Variants in MAP3K4 observed in about 807,000 individuals in gnomAD.
The protein encoded by MAP3K4 is mitogen-activated protein kinase kinase kinase 4.
MAP3K4 carries 67 observed loss-of-function variants against 185.6 expected under a neutral mutation model. That is an observed-to-expected ratio of 0.36 (90% CI 0.30 to 0.44). The LOEUF (loss-of-function observed/expected upper bound fraction) is 0.44. Ranked by LOEUF, MAP3K4 falls within the 20% of genes least tolerant of loss-of-function variation. The probability of loss-of-function intolerance (pLI) is 1.00; values close to 1 mark genes in which losing one functional copy is unlikely to be tolerated. For synonymous variants in MAP3K4, 702 were observed against 710.4 expected (o/e 0.99, Z 0.19); for missense variants, 1,551 against 1,995.1 (o/e 0.78, Z 4.24).
At position 161,002,119 on chromosome 6, in the gene MAP3K4, T is replaced by G. The variant is rs977894819; in HGVS notation, c.152+10036T>G. On this transcript the variant is annotated intron_variant, in intron 1 of 26. Coordinates refer to ENST00000392142, the MANE Select transcript of MAP3K4 (RefSeq NM_005922.4). ...CTCTCTTACTTTAGTTGTGGTTTATTCTGCATATTATTCCTACAGGTGTTT... is the reference window on the plus strand; with the variant it reads ...CTCTCTTACTTTAGTTGTGGTTTATGCTGCATATTATTCCTACAGGTGTTT... 4.6e-5 allele frequency among the ~76,000 whole-genome samples: 7 copies of G among 151,688 alleles called. No homozygotes were observed. The South Asian group carries it at 6.3e-4, about 14-fold the overall frequency.
At position 161,093,880 on chromosome 6, in the gene MAP3K4, T is replaced by G; in HGVS notation, c.3427+29T>G. The G allele has an allele frequency of 6.7e-7, 1 of 1,501,932 alleles. No individual in the cohort carries two copies. Among genetic ancestry groups the G allele is most frequent in the Non-Finnish European group, 9.2e-7 (1 of 1,082,318 alleles). 93.0% of individuals were successfully genotyped at this position (1,501,932 alleles called of 1,614,324 possible). ...AGACAGCCGTTAACAGCATTTCTTC[T>G]GGAACATAATGATTTGAGTGGACAG... is the stretch of plus-strand genomic sequence containing the variant. On this transcript the variant is annotated intron_variant, in intron 15 of 26. Coordinates refer to ENST00000392142, the MANE Select transcript of MAP3K4 (RefSeq NM_005922.4). This position sits in a 1 kb window ranked among gnomAD's most constrained non-coding sequence, Gnocchi z 5.2.
At chr6:161,045,899 C>A (rs1222092516) in intron 2 of MAP3K4, among the ~76,000 whole-genome samples, 2 of 152,082 alleles carry the variant, frequency 1.3e-5, no homozygotes, top group African/African-American at 2.4e-5. Context: ...ATAGTTAATA[C>A]ACATTCTATT....
intron 3 of MAP3K4, among the ~76,000 whole-genome samples, chr6:161,052,117 C>T (rs1028378013): frequency 2.6e-5 from 4 of 152,062 alleles, no homozygotes; most frequent in Non-Finnish European, 4.4e-5. Context: ...CACGGTGGGG[C>T]GGGGGTGAGT....
chr6:160,994,355 A>G (rs1382319067), intron 1 of MAP3K4, among the ~76,000 whole-genome samples: 1 of 151,986 alleles, frequency 6.6e-6, no homozygotes, highest in Non-Finnish European at 1.5e-5. Flanking sequence ...GCATCCTCCT[A>G]GCTTAGCTCT....
chr6:161,093,862 C>T lies in MAP3K4; in HGVS notation c.3427+11C>T, dbSNP rs771950482. On this transcript the variant is annotated intron_variant, in intron 15 of 26. Transcript: ENST00000392142. This position sits in a 1 kb window ranked among gnomAD's most constrained non-coding sequence, Gnocchi z 5.2. ...CAGGTTTGTACCTTGGTAAGACAGCCGTTAACAGCATTTCTTCTGGAACAT... is the reference window on the plus strand; with the variant it reads ...CAGGTTTGTACCTTGGTAAGACAGCTGTTAACAGCATTTCTTCTGGAACAT... The T allele has an allele frequency of 3.1e-6, 5 of 1,594,858 alleles. No individual in the cohort carries two copies. The highest frequency in any genetic ancestry group is 2.2e-5 in the East Asian group (1 of 44,716).
At position 161,103,803 on chromosome 6, in the gene MAP3K4, A is replaced by AT. The variant is rs921470351; in HGVS notation, c.3856+1026dup. On this transcript the variant is annotated intron_variant, in intron 19 of 26. Coordinates refer to ENST00000392142, the MANE Select transcript of MAP3K4 (RefSeq NM_005922.4). This position sits in a 1 kb window ranked among gnomAD's most constrained non-coding sequence, Gnocchi z 4.6. ...GATTGGTTAAAATGCCATTGCAGAA[A>AT]TTCAGTATAAATAATACGATACTGG... Among the ~76,000 whole-genome samples, 1 of 152,216 alleles carries AT rather than the reference A, an allele frequency of 6.6e-6. No homozygotes were observed. The highest frequency in any genetic ancestry group is 2.4e-5 in the African/African-American group (1 of 41,450).
intron 1 of MAP3K4, among the ~76,000 whole-genome samples, chr6:161,020,920 A>T (rs1223328892): frequency 6.6e-6 from 1 of 152,220 alleles, no homozygotes; most frequent in Non-Finnish European, 1.5e-5. Flanking sequence ...TTTCCAGTAA[A>T]TTCCACATTG....
rs909539121 is a variant in MAP3K4 at position 161,088,115 on chromosome 6, T to C, written c.2823+161T>C. ...TGTGTTAATAGGTCATTTTGCAGCA[T>C]AATTTGTACAATATATCATTCTGTT... On this transcript the variant is annotated intron_variant, in intron 10 of 26. Coordinates refer to ENST00000392142, the MANE Select transcript of MAP3K4 (RefSeq NM_005922.4). The surrounding 1 kb of genome is among the most constrained non-coding windows in gnomAD (Gnocchi z 4.5). Among the ~76,000 whole-genome samples the C allele has an allele frequency of 5.3e-5, 8 of 152,208 alleles. No individual in the cohort carries two copies. Among genetic ancestry groups the C allele is most frequent in the African/African-American group, 1.9e-4 (8 of 41,448 alleles).
chr6:161,076,292 CAG>C lies in MAP3K4; in HGVS notation c.2097+2682_2097+2683del, dbSNP rs888751046. ...TGTTGTTGACTGAAGAGCTGCCCGA[CAG>C]AAGGAGCGCGAGCTATACCGCAGCC... On this transcript the variant is annotated intron_variant, in intron 5 of 26. Coordinates refer to ENST00000392142, the MANE Select transcript of MAP3K4 (RefSeq NM_005922.4). The surrounding 1 kb of genome is among the most constrained non-coding windows in gnomAD (Gnocchi z 4.2). 1.2e-4 allele frequency among the ~76,000 whole-genome samples: 18 copies of C among 152,272 alleles called. No individual in the cohort carries two copies. The highest frequency in any genetic ancestry group is 4.3e-4 in the African/African-American group (18 of 41,550).
intron 2 of MAP3K4, among the ~76,000 whole-genome samples, chr6:161,044,518 A>ACC (rs1286409751): frequency 6.6e-6 from 1 of 152,124 alleles, no homozygotes; most frequent in Non-Finnish European, 1.5e-5. Context: ...TCTATAGACT[A>ACC]CCCCCGCACC....
At chr6:161,095,648 T>A (rs1372466644) in intron 15 of MAP3K4, among the ~76,000 whole-genome samples, 1 of 152,218 alleles carries the variant, frequency 6.6e-6, no homozygotes, top group African/African-American at 2.4e-5. Context: ...CAGGTATTGA[T>A]CTCACTTGTT....
At position 161,004,725 on chromosome 6, in the gene MAP3K4, G is replaced by GT. The variant is rs779713240; in HGVS notation, c.152+12643dup. On this transcript the variant is annotated intron_variant, in intron 1 of 26. Coordinates refer to ENST00000392142, the MANE Select transcript of MAP3K4 (RefSeq NM_005922.4). ...CCAAGTGACAATAAATATTTTGAAA[G>GT]TAAACATAAGTGGTAACATGATCGT... Among the ~76,000 whole-genome samples, 3 of 152,186 alleles carry GT rather than the reference G, an allele frequency of 2.0e-5. No individual in the cohort carries two copies. The East Asian group carries it at 5.8e-4, about 29-fold the overall frequency.
intron 2 of MAP3K4, among the ~76,000 whole-genome samples, chr6:161,038,857 A>G (rs1783305150): frequency 6.6e-6 from 1 of 152,056 alleles, no homozygotes; most frequent in Non-Finnish European, 1.5e-5. Context: ...CCTCACTCAC[A>G]TATGTGTCTG....
chr6:161,108,024 A>G lies in MAP3K4; in HGVS notation c.4119+55A>G. 1.3e-6 allele frequency: 2 copies of G among 1,497,036 alleles called. No homozygotes were observed. The highest frequency in any genetic ancestry group is 2.3e-5 in the South Asian group (2 of 87,948). The allele number at this position is 1,497,036 out of a possible 1,614,324, so 92.7% of individuals were successfully genotyped here. A position where few individuals can be genotyped will look rare whatever the true frequency, so the allele number is the denominator to read the frequency against. ...GGCCTGGCGGCTCTGGGTGATAGAAATTCCGTATAGACGCTGGTCGTGATT... is the reference window on the plus strand; with the variant it reads ...GGCCTGGCGGCTCTGGGTGATAGAAGTTCCGTATAGACGCTGGTCGTGATT... On this transcript the variant is annotated intron_variant, in intron 21 of 26. Transcript: ENST00000392142. This position sits in a 1 kb window ranked among gnomAD's most constrained non-coding sequence, Gnocchi z 5.7.
Position 161,071,292 on chromosome 6 carries a change from C to T in MAP3K4, c.1950+442C>T, listed in dbSNP as rs963212513. Among the ~76,000 whole-genome samples the T allele has an allele frequency of 8.6e-5, 13 of 152,024 alleles. No individual in the cohort carries two copies. Among genetic ancestry groups the T allele is most frequent in the African/African-American group, 2.9e-4 (12 of 41,394 alleles). ...CAGTAGTGACAGCTTATGATTTCTTCGTTGTTGTTCATTCTGGGTGGGATC... is the reference window on the plus strand; with the variant it reads ...CAGTAGTGACAGCTTATGATTTCTTTGTTGTTGTTCATTCTGGGTGGGATC... On this transcript the variant is annotated intron_variant, in intron 4 of 26. Transcript: ENST00000392142. This position sits in a 1 kb window ranked among gnomAD's most constrained non-coding sequence, Gnocchi z 4.6.
At chr6:161,072,727 CTG>C (rs1287879026) in intron 4 of MAP3K4, among the ~76,000 whole-genome samples, 1 of 152,122 alleles carries the variant, frequency 6.6e-6, no homozygotes, top group East Asian at 1.9e-4. Context: ...ACGAATGTGA[CTG>C]TGTGATCTCA....
chr6:161,080,097 G>T lies in MAP3K4; in HGVS notation c.2098-784G>T, dbSNP rs768217087. Among the ~76,000 whole-genome samples, 21 of 152,148 alleles carry T rather than the reference G, an allele frequency of 1.4e-4. No homozygotes were observed. Among genetic ancestry groups the T allele is most frequent in the Non-Finnish European group, 2.8e-4 (19 of 68,032 alleles). On this transcript the variant is annotated intron_variant, in intron 5 of 26. Transcript: ENST00000392142. This position sits in a 1 kb window ranked among gnomAD's most constrained non-coding sequence, Gnocchi z 4.8. ...CTGCTTCACGCTGAGTCACACTCGGGGTTGGAAGGGAGTGGAGTGATGTCT... is the reference window on the plus strand; with the variant it reads ...CTGCTTCACGCTGAGTCACACTCGGTGTTGGAAGGGAGTGGAGTGATGTCT...
rs2114895888 is a variant in MAP3K4, at chr6:161,101,888, A to G, written c.3675-4A>G. ...TAGCTCAATTATTAAAAATATTAAA[A>G]CAGGGGTTCCAGCGTTCCTGAAAAT... On this transcript the variant is annotated splice_polypyrimidine_tract_variant and splice_region_variant and intron_variant, in intron 17 of 26. Coordinates refer to ENST00000392142, the MANE Select transcript of MAP3K4 (RefSeq NM_005922.4). This position sits in a 1 kb window ranked among gnomAD's most constrained non-coding sequence, Gnocchi z 5.1. The G allele has an allele frequency of 3.1e-6, 5 of 1,610,494 alleles. No individual in the cohort carries two copies. The South Asian group carries it at 3.3e-5, about 11-fold the overall frequency.
chr6:161,013,407 A>G lies in MAP3K4; in HGVS notation c.153-20852A>G, dbSNP rs536394332. ...AATATGGCTTAGGTAAATTTTTTGTACATATATAGAAGACTTAAGCATTCT... is the reference window on the plus strand; with the variant it reads ...AATATGGCTTAGGTAAATTTTTTGTGCATATATAGAAGACTTAAGCATTCT... On this transcript the variant is annotated intron_variant, in intron 1 of 26. Coordinates refer to ENST00000392142, the MANE Select transcript of MAP3K4 (RefSeq NM_005922.4). Among the ~76,000 whole-genome samples the G allele has an allele frequency of 2.0e-4, 30 of 152,320 alleles. No individual in the cohort carries two copies. In the South Asian group the frequency reaches 6.2e-3, roughly 32 times the overall value.
Sources: gnomAD v4.1 joint callset for allele counts (sites outside exome capture counted in the v4.1 genomes callset) on GRCh38, gnomAD v4.1.1 for gene constraint, Gnocchi (gnomAD v3.1) non-coding constraint, MANE v1.5 for transcripts, NCBI Gene and HGNC (gene_info 2026-07-23, HGNC 2026-07-21) for gene names.